TANC2: variants seen among roughly 807,000 people sequenced by gnomAD.
TANC2 encodes protein TANC2.
In TANC2, 26 loss-of-function variants were observed where a neutral mutation model predicts 210.5. The observed-to-expected ratio is 0.12, with a 90% CI of 0.09 to 0.17. The LOEUF (loss-of-function observed/expected upper bound fraction) is 0.17. TANC2 is among the 10% of genes least tolerant of loss of function. TANC2 has a pLI of 1.00. For synonymous variants in TANC2, 931 were observed against 967.1 expected, an observed-to-expected ratio of 0.96 and a Z score of 0.69; for missense variants, 2,129 against 2,608.9, an observed-to-expected ratio of 0.82 and a Z score of 4.01.
At chr17:63,394,122 C>A (rs2048079322) in intron 17 of TANC2, among the ~76,000 whole-genome samples, 1 of 152,210 alleles carries the variant, frequency 6.6e-6, no homozygotes, top group Non-Finnish European at 1.5e-5. Context: ...TTTCTACTTC[C>A]ATCATTCCCT....
intron 14 of TANC2, among the ~76,000 whole-genome samples, chr17:63,367,778 A>G (rs1428256070): frequency 6.6e-6 from 1 of 152,202 alleles, no homozygotes; most frequent in Non-Finnish European, 1.5e-5. Context: ...TGATGAGAGA[A>G]TAAGATGCGT....
intron 1 of TANC2, among the ~76,000 whole-genome samples, chr17:62,971,892 C>G (rs2031716367): frequency 6.6e-6 from 1 of 152,188 alleles, no homozygotes; most frequent in Non-Finnish European, 1.5e-5. Context: ...CATCCCCAAA[C>G]CATCTCTGCC....
At chr17:63,117,280 T>A (rs541782076) in intron 4 of TANC2, 1 of 152,230 alleles carries the variant, frequency 6.6e-6, no homozygotes, top group East Asian at 1.9e-4. Context: ...TTCCAGTAAT[T>A]TGCTCTAACA....
chr17:63,279,401 G>A (rs551522140), intron 9 of TANC2, among the ~76,000 whole-genome samples: 2 of 151,610 alleles, frequency 1.3e-5, no homozygotes, highest in South Asian at 4.2e-4. Context: ...GATGGAGAGA[G>A]GAGTTAAGTA....
At chr17:63,230,049 A>C (rs970045928) in intron 7 of TANC2, among the ~76,000 whole-genome samples, 2 of 151,484 alleles carry the variant, frequency 1.3e-5, no homozygotes, top group African/African-American at 2.4e-5. Flanking sequence ...TTTCACCTCA[A>C]CCTCCCAAAG....
At chr17:63,330,936 C>A (rs1360566921) in intron 11 of TANC2, among the ~76,000 whole-genome samples, 1 of 152,128 alleles carries the variant, frequency 6.6e-6, no homozygotes, top group Non-Finnish European at 1.5e-5. Flanking sequence ...ATTAGCCAGG[C>A]ATGATGGCGC....
chr17:63,290,651 C>T (rs1266948963), intron 9 of TANC2, among the ~76,000 whole-genome samples: 2 of 151,936 alleles, frequency 1.3e-5, no homozygotes, highest in Non-Finnish European at 2.9e-5. Flanking sequence ...TGTCTTAAAA[C>T]CTATTGTTTC....
chr17:63,420,751 A>G lies in TANC2; in HGVS notation c.5021A>G (p.Gln1674Arg). 1 of 1,614,024 alleles carries G rather than the reference A, an allele frequency of 6.2e-7. No individual in the cohort carries two copies. The highest frequency in any genetic ancestry group is 1.1e-5 in the South Asian group (1 of 91,086). ...TCCAAAATGGCCCAGCGGCCCTACC[A>G]GATGCCTCAGCTCCCTGTGGCAGTT... Residue 1674 changes from glutamine to arginine, a missense_variant, in exon 28 of 28, where the codon CAG (glutamine) becomes CGG (arginine). Transcript: ENST00000689528. The surrounding 1 kb of genome is among the most constrained non-coding windows in gnomAD (Gnocchi z 4.2).
intron 2 of TANC2, among the ~76,000 whole-genome samples, chr17:63,039,369 T>C (rs2035094815): frequency 6.6e-6 from 1 of 152,228 alleles, no homozygotes; most frequent in Non-Finnish European, 1.5e-5. Flanking sequence ...TGGCATACTC[T>C]TGTGCATTCT....
At position 63,333,454 on chromosome 17, in the gene TANC2, A is replaced by G. The variant is rs149670864; in HGVS notation, c.1576-6647A>G. On this transcript the variant is annotated intron_variant, in intron 11 of 27. Coordinates refer to ENST00000689528, the Ensembl canonical transcript of TANC2. ...AGCCTGAAGATGTGACTGAATTGCTATCATCTCTTGATAAAACTTGAATGG... is the reference window on the plus strand; with the variant it reads ...AGCCTGAAGATGTGACTGAATTGCTGTCATCTCTTGATAAAACTTGAATGG... 1.0e-3 allele frequency among the ~76,000 whole-genome samples: 159 copies of G among 152,342 alleles called. 1 individual carries two copies. Among genetic ancestry groups the G allele is most frequent in the African/African-American group, 3.5e-3 (146 of 41,580 alleles).
chr17:63,271,443 T>TG (rs1276862844), intron 9 of TANC2, among the ~76,000 whole-genome samples: 2 of 151,720 alleles, frequency 1.3e-5, no homozygotes, highest in Non-Finnish European at 2.9e-5. Context: ...TTTCTTTTTT[T>TG]TTTTTTTTAA....
intron 7 of TANC2, among the ~76,000 whole-genome samples, chr17:63,236,462 A>G (rs998757479): frequency 2.2e-4 from 33 of 152,262 alleles, no homozygotes; most frequent in African/African-American, 7.9e-4. Context: ...CGTAATCATA[A>G]ACAGATTAAT....
intron 5 of TANC2, among the ~76,000 whole-genome samples, chr17:63,155,428 C>G (rs1567769543): frequency 6.6e-6 from 1 of 152,054 alleles, no homozygotes; most frequent in Non-Finnish European, 1.5e-5. Flanking sequence ...AATCTGATGA[C>G]ACTAAATGAT....
At chr17:63,098,484 A>ACACACACT (rs1360911153) in intron 3 of TANC2, among the ~76,000 whole-genome samples, 2 of 72,340 alleles carry the variant, frequency 2.8e-5, no homozygotes, top group African/African-American at 1.3e-4. Context: ...ACACACATAC[A>ACACACACT]CTCTCTCTCT....
At chr17:63,391,779 G>A (rs2047985337) in intron 17 of TANC2, 1 of 148,064 alleles carries the variant, frequency 6.8e-6, no homozygotes, top group Non-Finnish European at 1.5e-5. Context: ...AGGCTGGAGT[G>A]CAGTGGCACC....
At chr17:63,106,989 A>C (rs1270401420) in intron 4 of TANC2, among the ~76,000 whole-genome samples, 1 of 151,520 alleles carries the variant, frequency 6.6e-6, no homozygotes, top group Non-Finnish European at 1.5e-5. Flanking sequence ...ACCACTAGGG[A>C]AAGTTTGCGA....
chr17:63,370,663 CAT>C (rs2047240686), intron 14 of TANC2, among the ~76,000 whole-genome samples: 1 of 152,202 alleles, frequency 6.6e-6, no homozygotes, highest in African/African-American at 2.4e-5. Flanking sequence ...AAAGGCACCA[CAT>C]GTTTTGGAAG....
At chr17:63,082,272 C>CT (rs2036805235) in intron 3 of TANC2, among the ~76,000 whole-genome samples, 1 of 152,006 alleles carries the variant, frequency 6.6e-6, no homozygotes, top group Admixed American at 6.6e-5. Flanking sequence ...TATAAAAAAA[C>CT]TTTGTAAGTC....
At chr17:63,340,906 C>A (rs531415843) in intron 12 of TANC2, among the ~76,000 whole-genome samples, 2 of 152,216 alleles carry the variant, frequency 1.3e-5, no homozygotes, top group Admixed American at 6.5e-5. Context: ...TAAATGAGAT[C>A]CATCTCCCAT....
Sources: gnomAD v4.1 joint callset for allele counts (sites outside exome capture counted in the v4.1 genomes callset) on GRCh38, gnomAD v4.1.1 for gene constraint, Gnocchi (gnomAD v3.1) non-coding constraint, MANE v1.5 for transcripts, NCBI Gene and HGNC (gene_info 2026-07-23, HGNC 2026-07-21) for gene names.